The following NKAIN3 variants were observed in gnomAD, a reference collection of about 807,000 sequenced individuals.
NKAIN3 encodes sodium/potassium transporting ATPase interacting 3.
Under a neutral mutation model 30.2 loss-of-function variants are expected in NKAIN3, and 25 were observed. The ratio of observed to expected loss-of-function variants is 0.83; its 90% CI spans 0.60 to 1.16. NKAIN3 has a LOEUF of 1.16. NKAIN3 is among the 50% of genes most tolerant of loss of function. NKAIN3 has a pLI of 0.00. For missense variants in NKAIN3, 225 were observed against 254.1 expected (o/e 0.89, Z 0.78); for synonymous variants, 91 against 89.6 (o/e 1.02, Z -0.09).
At chr8:62,879,946 T>C (rs1424809491) in intron 4 of NKAIN3, among the ~76,000 whole-genome samples, 1 of 152,132 alleles carries the variant, frequency 6.6e-6, no homozygotes, top group Non-Finnish European at 1.5e-5. Flanking sequence ...TAGGCTGCCC[T>C]TAGCCTTGGG....
chr8:62,851,682 G>T (rs570622400), intron 4 of NKAIN3, among the ~76,000 whole-genome samples: 1 of 152,082 alleles, frequency 6.6e-6, no homozygotes, highest in African/African-American at 2.4e-5. Context: ...GTTGAATTTT[G>T]TCAAAGGCCT....
At chr8:62,609,743 G>C (rs1165337586) in intron 3 of NKAIN3, among the ~76,000 whole-genome samples, 1 of 152,122 alleles carries the variant, frequency 6.6e-6, no homozygotes. Context: ...TGGCAGAAGA[G>C]AGCACAAATA....
intron 4 of NKAIN3, among the ~76,000 whole-genome samples, chr8:62,873,300 T>G (rs1820700651): frequency 6.6e-6 from 1 of 151,940 alleles, no homozygotes; most frequent in Non-Finnish European, 1.5e-5. Flanking sequence ...ATTCTAAATA[T>G]ACATGCACCC....
intron 3 of NKAIN3, among the ~76,000 whole-genome samples, chr8:62,683,277 G>A (rs1451859034): frequency 3.3e-5 from 5 of 151,964 alleles, no homozygotes; most frequent in African/African-American, 1.2e-4. Flanking sequence ...CTCGTGATCC[G>A]CCCACCTCGG....
At chr8:62,514,099 C>T (rs190368578) in intron 1 of NKAIN3, among the ~76,000 whole-genome samples, 1 of 152,066 alleles carries the variant, frequency 6.6e-6, no homozygotes, top group East Asian at 1.9e-4. Context: ...AACAGGAATC[C>T]TTGGACAGGT....
chr8:62,881,936 G>A (rs1043107750), intron 4 of NKAIN3, among the ~76,000 whole-genome samples: 8 of 152,262 alleles, frequency 5.3e-5, no homozygotes, highest in Admixed American at 2.0e-4. Context: ...TTTGGAATTT[G>A]GCCATTCTAA....
At chr8:62,270,124 C>T (rs1812735408) in intron 1 of NKAIN3, among the ~76,000 whole-genome samples, 1 of 152,054 alleles carries the variant, frequency 6.6e-6, no homozygotes, top group Admixed American at 6.6e-5. Context: ...ACTCTGTCAG[C>T]ACTGGAGTGC....
chr8:62,267,038 C>T (rs1812630763), intron 1 of NKAIN3, among the ~76,000 whole-genome samples: 1 of 152,228 alleles, frequency 6.6e-6, no homozygotes, highest in Non-Finnish European at 1.5e-5. Flanking sequence ...TGGGTGAACC[C>T]AAAACCTGCC....
intron 3 of NKAIN3, among the ~76,000 whole-genome samples, chr8:62,692,857 G>A (rs1814025891): frequency 6.6e-6 from 1 of 152,146 alleles, no homozygotes; most frequent in Admixed American, 6.5e-5. Context: ...AGATTCTGGA[G>A]AGCTGTGATC....
chr8:62,632,633 G>A (rs960122502), intron 3 of NKAIN3, among the ~76,000 whole-genome samples: 1 of 152,004 alleles, frequency 6.6e-6, no homozygotes, highest in Non-Finnish European at 1.5e-5. Context: ...CTCCCGAGTA[G>A]CTGGGATTAC....
intron 3 of NKAIN3, among the ~76,000 whole-genome samples, chr8:62,642,085 A>G (rs986996992): frequency 3.9e-5 from 6 of 152,148 alleles, no homozygotes; most frequent in East Asian, 3.9e-4. Context: ...TTTTAAAAAA[A>G]TAAAGATAAT....
At chr8:62,792,828 A>T in intron 4 of NKAIN3, among the ~76,000 whole-genome samples, 1 of 152,144 alleles carries the variant, frequency 6.6e-6, no homozygotes, top group Non-Finnish European at 1.5e-5. Flanking sequence ...ATGAAGATGT[A>T]AAACAACATA....
chr8:62,564,989 A>T (rs904767109), intron 1 of NKAIN3, among the ~76,000 whole-genome samples: 1 of 152,170 alleles, frequency 6.6e-6, no homozygotes, highest in East Asian at 1.9e-4. Context: ...CATGATTTAT[A>T]TGCATAGCTA....
rs1219559233 is a variant in NKAIN3 at position 62,707,052 on chromosome 8, T to TACACAC, written c.274-39877_274-39876insCACACA. ...TGGCTGCATAGTATTCCATCATACA[T>TACACAC]ACATACACACACACACACACACACA... is the stretch of plus-strand genomic sequence containing the variant. On this transcript the variant is annotated intron_variant, in intron 3 of 6. Coordinates refer to ENST00000623646, the MANE Select transcript of NKAIN3 (RefSeq NM_001304533.3). Among the ~76,000 whole-genome samples the TACACAC allele has an allele frequency of 5.3e-3, 530 of 99,252 alleles. 1 individual carries two copies. The highest frequency in any genetic ancestry group is 0.015 in the African/African-American group (502 of 33,274). The allele number at this position is 99,252 out of a possible 152,430, so 65.1% of individuals were successfully genotyped here.
At chr8:62,897,855 TC>T (rs1821481899) in intron 4 of NKAIN3, among the ~76,000 whole-genome samples, 1 of 152,150 alleles carries the variant, frequency 6.6e-6, no homozygotes, top group African/African-American at 2.4e-5. Context: ...CATGCCAGCT[TC>T]CCTCTGCTTT....
chr8:62,389,167 A>G (rs1461436344), intron 1 of NKAIN3, among the ~76,000 whole-genome samples: 1 of 152,210 alleles, frequency 6.6e-6, no homozygotes, highest in East Asian at 1.9e-4. Context: ...AAGAGCTGCA[A>G]TGTCATAACA....
intron 1 of NKAIN3, among the ~76,000 whole-genome samples, chr8:62,391,562 A>G (rs1345448654): frequency 1.3e-5 from 2 of 152,040 alleles, no homozygotes; most frequent in African/African-American, 2.4e-5. Context: ...GAAGAAGAGA[A>G]AAGATACATA....
At chr8:62,249,204 C>A (rs371436305) in intron 1 of NKAIN3, 77 bp downstream of exon 1, 2 of 1,266,546 alleles carry the variant, frequency 1.6e-6, no homozygotes, top group Non-Finnish European at 1.1e-6. Context: ...TCTGCGGTTC[C>A]GCAGCTCCCG....
chr8:62,572,978 T>A (rs1809994780), intron 1 of NKAIN3, among the ~76,000 whole-genome samples: 1 of 152,212 alleles, frequency 6.6e-6, no homozygotes, highest in South Asian at 2.1e-4. Flanking sequence ...CAGGGACATT[T>A]CTTGCGTTAC....
Sources: allele counts gnomAD v4.1 joint callset (sites outside exome capture counted in the v4.1 genomes callset), GRCh38; gene constraint gnomAD v4.1.1; transcripts MANE v1.5; gene names NCBI Gene and HGNC (gene_info 2026-07-23, HGNC 2026-07-21).